CAPRIN1: variants seen among roughly 807,000 people sequenced by gnomAD.
The protein encoded by CAPRIN1 is cell cycle associated protein 1, also known as caprin-1.
CAPRIN1 carries 29 observed loss-of-function variants against 100.9 expected under a neutral mutation model. The ratio of observed to expected loss-of-function variants is 0.29; its 90% CI spans 0.21 to 0.39. The LOEUF is 0.39. CAPRIN1 is among the 10% of genes least tolerant of loss of function. CAPRIN1 has a pLI of 1.00. For synonymous variants in CAPRIN1, 338 were observed against 307.5 expected (o/e 1.10, Z -1.04); for missense variants, 795 against 876.7 (o/e 0.91, Z 1.18).
chr11:34,098,661 A>T, intron 18 of CAPRIN1: 1 of 985,040 alleles, frequency 1.0e-6, no homozygotes, highest in East Asian at 1.1e-4. Context: ...TACTGACTTG[A>T]CTAGAAGTAT....
intron 1 of CAPRIN1, 32 bp from the exon 2 acceptor site, chr11:34,052,389 C>T (rs779709366): frequency 2.5e-6 from 4 of 1,576,128 alleles, no homozygotes; most frequent in Admixed American, 1.7e-5. Flanking sequence ...TCCTTCCTCC[C>T]GCTTTTTCTT....
Position 34,071,823 on chromosome 11 carries a change from GCTCA to G in CAPRIN1, c.279+38_279+41del, listed in dbSNP as rs780578164. On this transcript the variant is annotated intron_variant, in intron 3 of 18. Transcript: ENST00000341394. ...TTATATTTTTTATTTTAGACCTAAT[GCTCA>G]CTATTTTAAAGACAAAAATTAATTC... 20 of 1,579,874 alleles carry G rather than the reference GCTCA, an allele frequency of 1.3e-5. No individual in the cohort carries two copies. The African/African-American group carries it at 2.6e-4, about 20-fold the overall frequency.
chr11:34,086,439 A>C, intron 11 of CAPRIN1, 26 bp downstream of exon 11: 4 of 1,342,174 alleles, frequency 3.0e-6, no homozygotes, highest in Non-Finnish European at 4.2e-6. Context: ...TTTTTATGTG[A>C]GAGAGAAATA....
rs1851325395 is a variant in CAPRIN1, at chr11:34,094,415, A to G, written c.1706-2064A>G. On this transcript the variant is annotated intron_variant, in intron 15 of 18. Coordinates refer to ENST00000341394, the MANE Select transcript of CAPRIN1 (RefSeq NM_005898.5). ...CATCATTTTAGAAATTTTATTTTGA[A>G]TTAGTGTCTAATCAGGAACAACATG... is the stretch of plus-strand genomic sequence containing the variant. Among the ~76,000 whole-genome samples the G allele has an allele frequency of 2.6e-5, 4 of 152,246 alleles. No homozygotes were observed. The South Asian group carries it at 8.3e-4, about 31-fold the overall frequency.
chr11:34,100,607 C>T lies in CAPRIN1; in HGVS notation c.*1240C>T, dbSNP rs1365466700. On this transcript the variant is annotated 3_prime_UTR_variant, in exon 19 of 19. Coordinates refer to ENST00000341394, the MANE Select transcript of CAPRIN1 (RefSeq NM_005898.5). Reference sequence around the variant, plus strand: ...TTATGGTTTATCTCCAGCAACATTTCTCTAGTACTTGCACTTATTATCTTT... The same window carrying T: ...TTATGGTTTATCTCCAGCAACATTTTTCTAGTACTTGCACTTATTATCTTT... The T allele has an allele frequency of 2.0e-5, 3 of 152,210 alleles. No individual in the cohort carries two copies. Among genetic ancestry groups the T allele is most frequent in the Non-Finnish European group, 4.4e-5 (3 of 68,030 alleles). The allele number at this position is 152,210 out of a possible 1,614,324, so 9.4% of individuals were successfully genotyped here.
intron 4 of CAPRIN1, 24 bp from the exon 5 acceptor site, chr11:34,076,212 T>C (rs1850903818): frequency 6.4e-7 from 1 of 1,569,648 alleles, no homozygotes; most frequent in Admixed American, 1.7e-5. Flanking sequence ...AATTTTGGTG[T>C]TTTACTTTTA....
chr11:34,053,003 G>C, intron 2 of CAPRIN1: 1 of 1,051,758 alleles, frequency 9.5e-7, no homozygotes, highest in Non-Finnish European at 1.1e-6. Flanking sequence ...CGATTTCTCT[G>C]ACGAGGGCCC....
intron 4 of CAPRIN1, among the ~76,000 whole-genome samples, chr11:34,075,149 C>G (rs76572674): frequency 0.011 from 1,745 of 151,930 alleles, 43 homozygotes; most frequent in African/African-American, 0.039. Flanking sequence ...CCATTTATTG[C>G]TAAGATATTT....
intron 2 of CAPRIN1, among the ~76,000 whole-genome samples, chr11:34,059,788 A>C (rs577492448): frequency 6.6e-6 from 1 of 151,758 alleles, no homozygotes; most frequent in Non-Finnish European, 1.5e-5. Context: ...ATTTACTTGC[A>C]GTGTTTTTTT....
Position 34,099,430 on chromosome 11 carries a change from A to G in CAPRIN1, c.*63A>G. 6 of 1,303,656 alleles carry G rather than the reference A, an allele frequency of 4.6e-6. No homozygotes were observed. Among genetic ancestry groups the G allele is most frequent in the Non-Finnish European group, 6.7e-6 (6 of 899,490 alleles). 80.8% of individuals were successfully genotyped at this position (1,303,656 alleles called of 1,614,324 possible). A position where few individuals can be genotyped will look rare whatever the true frequency, so the allele number is the denominator to read the frequency against. On this transcript the variant is annotated 3_prime_UTR_variant, in exon 19 of 19. Coordinates refer to ENST00000341394, the MANE Select transcript of CAPRIN1 (RefSeq NM_005898.5). ...ACTGGCCAGTGTACCATAATATGTT[A>G]CCAGAAGAGTTATTATCTATTTGTT...
At chr11:34,062,486 G>A (rs923371091) in intron 2 of CAPRIN1, among the ~76,000 whole-genome samples, 21 of 152,174 alleles carry the variant, frequency 1.4e-4, no homozygotes, top group East Asian at 1.4e-3. Context: ...TTAGCCGGGC[G>A]TGGTGGTGGG....
intron 11 of CAPRIN1, among the ~76,000 whole-genome samples, chr11:34,088,625 A>G (rs948609949): frequency 1.3e-5 from 2 of 152,298 alleles, no homozygotes; most frequent in Admixed American, 6.5e-5. Flanking sequence ...GTTAGCTATG[A>G]TGGCGCCACT....
chr11:34,052,673 G>A (rs1290301996), intron 2 of CAPRIN1, 37 bp downstream of exon 2: 1 of 1,565,260 alleles, frequency 6.4e-7, no homozygotes, highest in Non-Finnish European at 8.7e-7. Flanking sequence ...GGGTGGCTGC[G>A]GCCGGGCTCT....
At position 34,097,752 on chromosome 11, in the gene CAPRIN1, G is replaced by A; in HGVS notation, c.2056G>A (p.Ala686Thr). The A allele has an allele frequency of 6.2e-7, 1 of 1,614,100 alleles. No individual in the cohort carries two copies. ...RGSGQSGPRG[A>T]PRGRGGPPRP... ...CTCTGGGCAGAGTGGACCACGGGGA[G>A]CCCCACGAGGTAATATTTTGTGGTG... The change falls in exon 18 of 19, where the codon GCC becomes ACC. Residue 686 changes from alanine (A) to threonine (T), a missense_variant. Around this residue, in one of 3 missense-constraint regions of CAPRIN1, gnomAD observed 648 missense variants for 697.9 expected, o/e 0.93. Coordinates refer to ENST00000341394, the MANE Select transcript of CAPRIN1 (RefSeq NM_005898.5).
intron 9 of CAPRIN1, among the ~76,000 whole-genome samples, chr11:34,083,614 T>G (rs1851075767): frequency 6.6e-6 from 1 of 152,230 alleles, no homozygotes; most frequent in Non-Finnish European, 1.5e-5. Context: ...CAGTGATGCC[T>G]TGTTACCTGT....
At chr11:34,054,282 T>G (rs897066259) in intron 2 of CAPRIN1, among the ~76,000 whole-genome samples, 5 of 152,178 alleles carry the variant, frequency 3.3e-5, no homozygotes, top group Non-Finnish European at 7.3e-5. Context: ...GTAATTGGAA[T>G]AGTAAATGTA....
At position 34,082,759 on chromosome 11, in the gene CAPRIN1, C is replaced by T. The variant is rs1851058598; in HGVS notation, c.827-66C>T. 10 of 1,137,456 alleles carry T rather than the reference C, an allele frequency of 8.8e-6. No homozygotes were observed. The Admixed American group carries it at 1.7e-4, about 19-fold the overall frequency. The allele number at this position is 1,137,456 out of a possible 1,614,324, so 70.5% of individuals were successfully genotyped here. A position where few individuals can be genotyped will look rare whatever the true frequency, so the allele number is the denominator to read the frequency against. On this transcript the variant is annotated intron_variant, in intron 7 of 18. Coordinates refer to ENST00000341394, the MANE Select transcript of CAPRIN1 (RefSeq NM_005898.5). ...TAATGACGTGTATCTACCAATATCA[C>T]ACAGAGTAGAGTAGTATCACTGACC...
rs2134138924 is a variant in CAPRIN1, at chr11:34,096,688, AAGG to A, written c.1900+19_1900+21del. ...TGGATTCAGAGGTAAAAAAATAAAAAAGGAGGTTCTAATGACCTTTTACTAGTT... is the reference window on the plus strand; with the variant it reads ...TGGATTCAGAGGTAAAAAAATAAAAAAGGTTCTAATGACCTTTTACTAGTT... On this transcript the variant is annotated intron_variant, in intron 16 of 18. Coordinates refer to ENST00000341394, the MANE Select transcript of CAPRIN1 (RefSeq NM_005898.5). 4 of 1,574,492 alleles carry A rather than the reference AAGG, an allele frequency of 2.5e-6. No homozygotes were observed. Among genetic ancestry groups the A allele is most frequent in the Non-Finnish European group, 3.5e-6 (4 of 1,155,318 alleles).
chr11:34,056,608 T>G (rs1850458482), intron 2 of CAPRIN1: 1 of 147,550 alleles, frequency 6.8e-6, no homozygotes, highest in Non-Finnish European at 1.5e-5. Context: ...CCTAGTTTTC[T>G]TTATCAGTTC....
Sources: allele counts gnomAD v4.1 joint callset (sites outside exome capture counted in the v4.1 genomes callset), GRCh38; gene constraint gnomAD v4.1.1; regional missense constraint gnomAD v4.1.1; transcripts MANE v1.5; gene names NCBI Gene and HGNC (gene_info 2026-07-23, HGNC 2026-07-21).